Variants in HIVEP3 observed in about 807,000 individuals in gnomAD.
HIVEP3 encodes the protein transcription factor HIVEP3.
HIVEP3 carries 49 observed loss-of-function variants against 152.8 expected under a neutral mutation model. That is an observed-to-expected ratio of 0.32 (90% confidence interval 0.26 to 0.41). The LOEUF is 0.41. Among genes scored for constraint, HIVEP3 ranks in the 10% least tolerant of loss-of-function variants. HIVEP3 has a pLI of 1.00. For synonymous variants in HIVEP3, 1,269 were observed against 1,289.0 expected, an observed-to-expected ratio of 0.98 and a Z score of 0.33; for missense variants, 2,790 against 3,103.3, an observed-to-expected ratio of 0.90 and a Z score of 2.40.
At chr1:41,570,457 G>A (rs1302642680) in intron 5 of HIVEP3, among the ~76,000 whole-genome samples, 1 of 152,108 alleles carries the variant, frequency 6.6e-6, no homozygotes, top group African/African-American at 2.4e-5. Context: ...AGTTCCTCCT[G>A]CATGCATTTT....
rs886287918 is a variant in HIVEP3 at position 41,873,460 on chromosome 1, GT to G, written c.-801+44952del. On this transcript the variant is annotated intron_variant, in intron 1 of 8. Transcript: ENST00000372583. The surrounding 1 kb of genome is among the most constrained non-coding windows in gnomAD (Gnocchi z 4.2). ...AAGGCCAGGACAAGCATCATTTAAT[GT>G]CATGTCATATAATTAGTATGGAAAC... is the stretch of plus-strand genomic sequence containing the variant. 2.0e-5 allele frequency among the ~76,000 whole-genome samples: 3 copies of G among 152,188 alleles called. No individual in the cohort carries two copies. Among genetic ancestry groups the G allele is most frequent in the Non-Finnish European group, 4.4e-5 (3 of 68,046 alleles).
At chr1:41,663,424 C>T (rs1386536750) in intron 2 of HIVEP3, among the ~76,000 whole-genome samples, 2 of 152,224 alleles carry the variant, frequency 1.3e-5, no homozygotes, top group Non-Finnish European at 2.9e-5. Context: ...TTTGAGGCCC[C>T]ACAGGGGAAC....
intron 2 of HIVEP3, among the ~76,000 whole-genome samples, chr1:41,630,322 C>A (rs572724199): frequency 6.6e-6 from 1 of 152,136 alleles, no homozygotes; most frequent in African/African-American, 2.4e-5. Flanking sequence ...CTACCTAGTG[C>A]GTACTATGCT....
At chr1:41,836,295 G>A (rs1398940048) in intron 1 of HIVEP3, among the ~76,000 whole-genome samples, 3 of 152,190 alleles carry the variant, frequency 2.0e-5, no homozygotes, top group African/African-American at 7.2e-5. Context: ...CTGGGAGTGT[G>A]AGACCCAGAG....
At chr1:42,007,723 C>T (rs1645468076) in intron 1 of HIVEP3, among the ~76,000 whole-genome samples, 1 of 152,186 alleles carries the variant, frequency 6.6e-6, no homozygotes, top group African/African-American at 2.4e-5. Flanking sequence ...GGCTTCTCAG[C>T]TTTGTCGGTG....
At chr1:41,734,412 T>C (rs774862462) in intron 1 of HIVEP3, among the ~76,000 whole-genome samples, 11 of 152,218 alleles carry the variant, frequency 7.2e-5, no homozygotes, top group Non-Finnish European at 1.3e-4. Flanking sequence ...ATTCAGTGAC[T>C]GGACTAACTC....
At chr1:41,969,572 C>T (rs530171918) in intron 1 of HIVEP3, among the ~76,000 whole-genome samples, 152 of 152,120 alleles carry the variant, frequency 1.0e-3, no homozygotes, top group Non-Finnish European at 1.5e-3. Flanking sequence ...ACGAATTAAA[C>T]GCTTACATGT....
chr1:41,684,851 C>T (rs1039829622), intron 2 of HIVEP3, among the ~76,000 whole-genome samples: 4 of 152,242 alleles, frequency 2.6e-5, no homozygotes, highest in African/African-American at 7.2e-5. Flanking sequence ...TACCATTATT[C>T]TCTTTCACTG....
chr1:41,545,200 C>A (rs1307852032), intron 5 of HIVEP3, among the ~76,000 whole-genome samples: 3 of 142,824 alleles, frequency 2.1e-5, no homozygotes, highest in African/African-American at 5.3e-5. Flanking sequence ...AACACCACCA[C>A]CACCACTATC....
At position 41,576,256 on chromosome 1, in the gene HIVEP3, G is replaced by A. The variant is rs144759887; in HGVS notation, c.5062-567C>T. Reference sequence around the variant, plus strand: ...GCTAGTACCAAAGGCCAGGAGCTGGGCTGAGGACCCTGACCAGCAGGACGT... The same window carrying A: ...GCTAGTACCAAAGGCCAGGAGCTGGACTGAGGACCCTGACCAGCAGGACGT... On this transcript the variant is annotated intron_variant, in intron 4 of 8. Transcript: ENST00000372583. 5.3e-3 allele frequency among the ~76,000 whole-genome samples: 814 copies of A among 152,348 alleles called. 9 individuals carry two copies. The highest frequency in any genetic ancestry group is 0.019 in the African/African-American group (776 of 41,578).
intron 1 of HIVEP3, among the ~76,000 whole-genome samples, chr1:42,022,037 C>T (rs1022655105): frequency 2.0e-5 from 3 of 152,166 alleles, no homozygotes; most frequent in Admixed American, 6.5e-5. Flanking sequence ...GTAATAGCAA[C>T]AGGGCTGGGG....
chr1:41,607,992 C>CA (rs1644845780), intron 3 of HIVEP3, among the ~76,000 whole-genome samples: 1 of 152,160 alleles, frequency 6.6e-6, no homozygotes, highest in Non-Finnish European at 1.5e-5. Context: ...TCACACGAGC[C>CA]CATGGCCACT....
Position 41,533,819 on chromosome 1 carries a change from C to T in HIVEP3, c.5208-8909G>A, listed in dbSNP as rs1643329661. The stretch of plus-strand genomic sequence containing the variant: ...GCCACTTCTCTCTCGAGTTCCGATG[C>T]CTTTGCTATACATCTAACTGCCTTA... On this transcript the variant is annotated intron_variant, in intron 5 of 8. Coordinates refer to ENST00000372583, the MANE Select transcript of HIVEP3 (RefSeq NM_024503.5). This position sits in a 1 kb window ranked among gnomAD's most constrained non-coding sequence, Gnocchi z 4.3. 6.6e-6 allele frequency among the ~76,000 whole-genome samples: 1 copy of T among 152,050 alleles called. No homozygotes were observed. The highest frequency in any genetic ancestry group is 1.5e-5 in the Non-Finnish European group (1 of 68,026).
intron 1 of HIVEP3, among the ~76,000 whole-genome samples, chr1:41,962,566 C>T (rs1645174869): frequency 6.6e-6 from 1 of 152,208 alleles, no homozygotes; most frequent in African/African-American, 2.4e-5. Context: ...AGTTATTATG[C>T]TCTTTCTCTG....
At chr1:41,755,300 C>A (rs75862474) in intron 1 of HIVEP3, among the ~76,000 whole-genome samples, 3,018 of 152,148 alleles carry the variant, frequency 0.02, 89 homozygotes, top group African/African-American at 0.067. Flanking sequence ...TACAAAATTT[C>A]ATCCAAAAGA....
At chr1:41,974,053 G>A (rs1645245680) in intron 1 of HIVEP3, among the ~76,000 whole-genome samples, 1 of 152,180 alleles carries the variant, frequency 6.6e-6, no homozygotes, top group African/African-American at 2.4e-5. Flanking sequence ...GCAAGAGCTG[G>A]CATAGAGCAG....
intron 1 of HIVEP3, among the ~76,000 whole-genome samples, chr1:41,748,787 C>CT (rs2124219448): frequency 6.6e-6 from 1 of 152,356 alleles, no homozygotes; most frequent in South Asian, 2.1e-4. Flanking sequence ...CACAGACCCC[C>CT]TGCCGCCCAC....
chr1:41,510,366 A>T lies in HIVEP3; in HGVS notation c.*85T>A, dbSNP rs1216522789. The T allele has an allele frequency of 8.2e-7, 1 of 1,214,746 alleles. No homozygotes were observed. The highest frequency in any genetic ancestry group is 1.1e-6 in the Non-Finnish European group (1 of 916,584). 75.2% of individuals were successfully genotyped at this position (1,214,746 alleles called of 1,614,324 possible). ...CTGGACGGAGGGACAGATGGGGCTGAGGAAGTGGGATGATTCGAGGAAAGT... is the reference window on the plus strand; with the variant it reads ...CTGGACGGAGGGACAGATGGGGCTGTGGAAGTGGGATGATTCGAGGAAAGT... On this transcript the variant is annotated 3_prime_UTR_variant, in exon 9 of 9. Coordinates refer to ENST00000372583, the MANE Select transcript of HIVEP3 (RefSeq NM_024503.5).
chr1:41,857,673 T>C (rs1316199307), intron 1 of HIVEP3, among the ~76,000 whole-genome samples: 1 of 152,196 alleles, frequency 6.6e-6, no homozygotes, highest in African/African-American at 2.4e-5. Flanking sequence ...ATGATGCCTA[T>C]GAGGTATGCA....
Sources: allele counts gnomAD v4.1 joint callset (sites outside exome capture counted in the v4.1 genomes callset), GRCh38; gene constraint gnomAD v4.1.1; non-coding constraint Gnocchi (gnomAD v3.1); transcripts MANE v1.5; gene names NCBI Gene and HGNC (gene_info 2026-07-23, HGNC 2026-07-21).